Variants in ATL3 observed in about 807,000 individuals in gnomAD.
The protein encoded by ATL3 is atlastin-3.
In ATL3, 49 loss-of-function variants were observed where a neutral mutation model predicts 69.5. That is an observed-to-expected ratio of 0.71 (90% CI 0.56 to 0.89). The LOEUF is 0.89. Among genes scored for constraint, ATL3 ranks in the 40% least tolerant of loss-of-function variants. ATL3 has a pLI of 0.00. For synonymous variants in ATL3, 214 were observed against 224.1 expected, an observed-to-expected ratio of 0.95 and a Z score of 0.40; for missense variants, 606 against 645.7, an observed-to-expected ratio of 0.94 and a Z score of 0.67.
intron 3 of ATL3, among the ~76,000 whole-genome samples, chr11:63,656,949 C>T (rs904322383): frequency 6.6e-6 from 1 of 151,926 alleles, no homozygotes; most frequent in Non-Finnish European, 1.5e-5. Context: ...TGGTGGCTCA[C>T]CCCTGTAATC....
chr11:63,654,480 C>T (rs568578709), intron 3 of ATL3, among the ~76,000 whole-genome samples: 1 of 152,206 alleles, frequency 6.6e-6, no homozygotes, highest in African/African-American at 2.4e-5. Flanking sequence ...TCACTGCAAC[C>T]TCCACCTCCC....
intron 6 of ATL3, among the ~76,000 whole-genome samples, chr11:63,645,564 CAGAG>C (rs771191544): frequency 6.6e-6 from 1 of 150,760 alleles, no homozygotes; most frequent in African/African-American, 2.5e-5. Context: ...GAGAGAGAGA[CAGAG>C]AGAGACAGAG....
chr11:63,671,633 T>G, upstream of ATL3: 1 of 1,414,184 alleles, frequency 7.1e-7, no homozygotes. Flanking sequence ...AGCCGCCGGG[T>G]ACCTGTTGGC....
chr11:63,635,425 A>G, intron 10 of ATL3, 109 bp downstream of exon 10: 1 of 957,512 alleles, frequency 1.0e-6, no homozygotes, highest in Non-Finnish European at 1.6e-6. Context: ...CCTCAGCATG[A>G]TGAAAAAGGA....
At chr11:63,666,619 G>A (rs999145055) in intron 1 of ATL3, among the ~76,000 whole-genome samples, 10 of 150,718 alleles carry the variant, frequency 6.6e-5, no homozygotes, top group African/African-American at 2.4e-4. Flanking sequence ...GAGGCCGAGG[G>A]GGGTGGATCG....
rs1382517884 is a variant in ATL3, at chr11:63,628,284, G to A, written c.*1035C>T. 1.3e-5 allele frequency: 2 copies of A among 148,644 alleles called. No homozygotes were observed. Among genetic ancestry groups the A allele is most frequent in the Non-Finnish European group, 3.0e-5 (2 of 67,608 alleles). 9.2% of individuals were successfully genotyped at this position (148,644 alleles called of 1,614,324 possible). ...GAGCCACTCTGGCTTTTCAAGGCAC[G>A]TTTGCCTCTTTTTCTAGAAAGAAGC... On this transcript the variant is annotated 3_prime_UTR_variant, in exon 13 of 13. Coordinates refer to ENST00000398868, the MANE Select transcript of ATL3 (RefSeq NM_015459.5).
chr11:63,671,883 C>G (rs1940800998), upstream of ATL3: 1 of 398,690 alleles, frequency 2.5e-6, no homozygotes, highest in South Asian at 2.9e-5. Context: ...CCTGGAACCA[C>G]CAGTGTGAGA....
In ATL3 at chr11:63,629,402, A is replaced by C. The variant is rs755436823; in HGVS notation, c.1543T>G (p.Ser515Ala). The C allele has an allele frequency of 1.1e-5, 17 of 1,613,752 alleles. No individual in the cohort carries two copies. The highest frequency in any genetic ancestry group is 1.4e-5 in the Non-Finnish European group (17 of 1,179,586). The change falls in exon 13 of 13, where the codon TCT becomes GCT. Residue 515 changes from serine (S) to alanine (A), a missense_variant. Transcript: ENST00000398868. Reference protein sequence around the residue: ...FGAAYVLEQASSHIGNSTQAT... With the variant: ...FGAAYVLEQAASHIGNSTQAT... ...TGAGTGGAATTACCGATATGAGAAG[A>C]AGCCTGCAAAAGTCCATTTATTCAA...
At chr11:63,633,172 C>T in intron 10 of ATL3, 75 bp from the exon 11 acceptor site, 1 of 1,187,728 alleles carries the variant, frequency 8.4e-7, no homozygotes, top group South Asian at 1.3e-5. Flanking sequence ...TAACAAAAAT[C>T]TTCTCTATTC....
intron 10 of ATL3, 61 bp from the exon 11 acceptor site, chr11:63,633,158 A>C: frequency 7.2e-7 from 1 of 1,384,654 alleles, no homozygotes; most frequent in Non-Finnish European, 1.0e-6. Context: ...CTCCACAAAT[A>C]ACCTAACAAA....
rs116592487 is a variant in ATL3, at chr11:63,651,475, T to A, written c.561+461A>T. 1.9e-3 allele frequency among the ~76,000 whole-genome samples: 292 copies of A among 151,774 alleles called. 1 individual carries two copies. The highest frequency in any genetic ancestry group is 6.8e-3 in the Middle Eastern group (2 of 294). On this transcript the variant is annotated intron_variant, in intron 5 of 12. Coordinates refer to ENST00000398868, the MANE Select transcript of ATL3 (RefSeq NM_015459.5). ...TCCCTTTACAACAGGTCAGATAACA[T>A]CATTGCTGACGACCCTCCCATGGCT...
rs771375047 is a variant in ATL3, at chr11:63,627,150, T to C, written c.*2169A>G. 1.5e-4 allele frequency: 23 copies of C among 152,204 alleles called. No individual in the cohort carries two copies. The highest frequency in any genetic ancestry group is 2.5e-4 in the Non-Finnish European group (17 of 68,034). The allele number at this position is 152,204 out of a possible 1,614,324, so 9.4% of individuals were successfully genotyped here. On this transcript the variant is annotated 3_prime_UTR_variant, in exon 13 of 13. Coordinates refer to ENST00000398868, the MANE Select transcript of ATL3 (RefSeq NM_015459.5). ...TCTTACCATTAAATTTTTTAAGTTA[T>C]TCTGAAATCTATAAATTTACTTATA... is the stretch of plus-strand genomic sequence containing the variant.
At chr11:63,639,559 G>C (rs1404203402) in intron 8 of ATL3, among the ~76,000 whole-genome samples, 4 of 152,080 alleles carry the variant, frequency 2.6e-5, no homozygotes, top group Non-Finnish European at 5.9e-5. Context: ...TTCGAGACCA[G>C]CCTGGGCAAC....
intron 7 of ATL3, 30 bp downstream of exon 7, chr11:63,644,139 A>T: frequency 7.1e-7 from 1 of 1,409,758 alleles, no homozygotes; most frequent in East Asian, 2.3e-5. Flanking sequence ...ACTTTGAGAT[A>T]ATTCATCAGA....
upstream of ATL3, chr11:63,671,730 TG>T: frequency 8.0e-7 from 1 of 1,243,862 alleles, no homozygotes; most frequent in South Asian, 1.4e-5. Context: ...CGCACTCATC[TG>T]GGGCGGGGCT....
chr11:63,671,715 T>A, upstream of ATL3: 1 of 1,277,266 alleles, frequency 7.8e-7, no homozygotes, highest in Non-Finnish European at 1.0e-6. Context: ...GCGGTCCTCA[T>A]ACTGCGCACT....
chr11:63,635,359 T>C (rs975492438), intron 10 of ATL3, among the ~76,000 whole-genome samples, 175 bp downstream of exon 10: 5 of 151,430 alleles, frequency 3.3e-5, no homozygotes, highest in African/African-American at 1.2e-4. Context: ...TACAAACAAG[T>C]GAACTAGAAA....
rs764656343 is a variant in ATL3 at position 63,631,160 on chromosome 11, G to C, written c.1419C>G (p.Phe473Leu). The C allele has an allele frequency of 1.2e-6, 2 of 1,614,182 alleles. No individual in the cohort carries two copies. Residue 473 changes from phenylalanine to leucine, a missense_variant, in exon 12 of 13, where the codon TTC becomes TTG. Coordinates refer to ENST00000398868, the MANE Select transcript of ATL3 (RefSeq NM_015459.5). ...TTAACAGTAGTCCAACCATACAGTT[G>C]AACAACTGGGCTACAACCTCAAGAC... ...FIGLEVVAQL[F>L]NCMVGLLLIA... is the part of the protein sequence containing the mutation.
intron 3 of ATL3, among the ~76,000 whole-genome samples, chr11:63,653,876 G>C (rs972132138): frequency 6.6e-6 from 1 of 152,186 alleles, no homozygotes; most frequent in Non-Finnish European, 1.5e-5. Context: ...AGAATGTTTA[G>C]GGCAGTGTGA....
Sources: gnomAD v4.1 joint callset for allele counts (sites outside exome capture counted in the v4.1 genomes callset) on GRCh38, gnomAD v4.1.1 for gene constraint, MANE v1.5 for transcripts, NCBI Gene and HGNC (gene_info 2026-07-23, HGNC 2026-07-21) for gene names.